LDLRAD4: variants seen among roughly 807,000 people sequenced by gnomAD.
LDLRAD4 encodes the protein low-density lipoprotein receptor class A domain-containing protein 4.
LDLRAD4 carries 5 observed loss-of-function variants against 17.0 expected under a neutral mutation model. The observed-to-expected ratio is 0.29, with a 90% CI of 0.15 to 0.62. The LOEUF (loss-of-function observed/expected upper bound fraction) is 0.62, where lower values mean the gene tolerates loss of function less well. Ranked by LOEUF, LDLRAD4 falls within the 20% of genes least tolerant of loss-of-function variation. The probability of loss-of-function intolerance (pLI) is 0.84; values close to 1 mark genes in which losing one functional copy is unlikely to be tolerated. For missense variants in LDLRAD4, 340 were observed against 424.7 expected (o/e 0.80, Z 1.75); for synonymous variants, 168 against 171.8 (o/e 0.98, Z 0.17).
At chr18:13,325,325 CT>C (rs1197435580) in intron 1 of LDLRAD4, among the ~76,000 whole-genome samples, 1 of 152,192 alleles carries the variant, frequency 6.6e-6, no homozygotes, top group Non-Finnish European at 1.5e-5. Context: ...AACAGCAGAG[CT>C]TTGATCCCTC....
At position 13,367,291 on chromosome 18, in the gene LDLRAD4, G is replaced by C. The variant is rs866838532; in HGVS notation, c.-382-20050G>C. On this transcript the variant is annotated intron_variant, in intron 1 of 5. Transcript: ENST00000359446. This position sits in a 1 kb window ranked among gnomAD's most constrained non-coding sequence, Gnocchi z 4.1. ...ACAGAGTCAGAACCGCTGTGGCAGCGTGAGGGAGTTTTGTCAGGTGGTGTG... is the reference window on the plus strand; with the variant it reads ...ACAGAGTCAGAACCGCTGTGGCAGCCTGAGGGAGTTTTGTCAGGTGGTGTG... Among the ~76,000 whole-genome samples, 1 of 152,328 alleles carries C rather than the reference G, an allele frequency of 6.6e-6. No homozygotes were observed. Among genetic ancestry groups the C allele is most frequent in the Middle Eastern group, 3.4e-3 (1 of 294 alleles).
At chr18:13,346,438 G>C (rs1019097470) in intron 1 of LDLRAD4, among the ~76,000 whole-genome samples, 37 of 152,220 alleles carry the variant, frequency 2.4e-4, no homozygotes, top group African/African-American at 8.7e-4. Flanking sequence ...TGTGGTCTGA[G>C]AGACAGTTTG....
chr18:13,516,751 A>G (rs181447075), intron 3 of LDLRAD4, among the ~76,000 whole-genome samples: 191 of 152,342 alleles, frequency 1.3e-3, no homozygotes, highest in Non-Finnish European at 1.8e-3. Context: ...TTTGGAGAAG[A>G]AGCCTTTCAC....
intron 1 of LDLRAD4, among the ~76,000 whole-genome samples, chr18:13,313,510 C>T (rs9963572): frequency 0.29 from 44,282 of 152,096 alleles, 6,511 homozygotes; most frequent in South Asian, 0.37. Context: ...CTGGTGAACC[C>T]GGTTTCCCGT....
rs1038518153 is a variant in LDLRAD4 at position 13,398,826 on chromosome 18, C to A, written c.40+11064C>A. On this transcript the variant is annotated intron_variant, in intron 2 of 5. Coordinates refer to ENST00000359446, the Ensembl canonical transcript of LDLRAD4. The surrounding 1 kb of genome is among the most constrained non-coding windows in gnomAD (Gnocchi z 4.8). ...CCCACCCTCCCCGGGGGCACTATAG[C>A]AACCGTGTGTTGTTGCCTGGGACTC... Among the ~76,000 whole-genome samples the A allele has an allele frequency of 1.3e-5, 2 of 152,188 alleles. No homozygotes were observed. The highest frequency in any genetic ancestry group is 2.9e-5 in the Non-Finnish European group (2 of 68,032).
intron 1 of LDLRAD4, among the ~76,000 whole-genome samples, chr18:13,254,853 A>G (rs1034749729): frequency 2.6e-5 from 4 of 152,184 alleles, no homozygotes; most frequent in Admixed American, 1.3e-4. Context: ...GGTCCCAGCA[A>G]CTTAGGAGCG....
At chr18:13,511,638 GA>G (rs1228555720) in intron 3 of LDLRAD4, among the ~76,000 whole-genome samples, 1 of 152,236 alleles carries the variant, frequency 6.6e-6, no homozygotes, top group African/African-American at 2.4e-5. Flanking sequence ...CTGATAGGTA[GA>G]AATTTCCCTC....
rs1316756671 is a variant in LDLRAD4 at position 13,300,321 on chromosome 18, G to T, written c.-383+22133G>T. Among the ~76,000 whole-genome samples the T allele has an allele frequency of 6.6e-6, 1 of 152,218 alleles. No homozygotes were observed. Among genetic ancestry groups the T allele is most frequent in the East Asian group, 1.9e-4 (1 of 5,194 alleles). On this transcript the variant is annotated intron_variant, in intron 1 of 5. Transcript: ENST00000359446. This position sits in a 1 kb window ranked among gnomAD's most constrained non-coding sequence, Gnocchi z 4.2. ...GCCTGTGCTCTGCCTCAGCCACAAG[G>T]CCACCTCACCAGGCAGAACAGATGG...
chr18:13,633,486 C>T (rs946651261), intron 4 of LDLRAD4, among the ~76,000 whole-genome samples: 3 of 152,202 alleles, frequency 2.0e-5, no homozygotes, highest in African/African-American at 7.2e-5. Context: ...CCTGCAGGCC[C>T]ACACCAACCC....
chr18:13,364,163 GAAT>G (rs2083891418), intron 1 of LDLRAD4, among the ~76,000 whole-genome samples: 1 of 152,172 alleles, frequency 6.6e-6, no homozygotes, highest in Admixed American at 6.5e-5. Flanking sequence ...TATATATGCA[GAAT>G]CATCTGCTCT....
intron 3 of LDLRAD4, among the ~76,000 whole-genome samples, chr18:13,468,494 T>C (rs12965489): frequency 0.28 from 43,213 of 152,010 alleles, 6,889 homozygotes; most frequent in East Asian, 0.47. Flanking sequence ...GCAATCCCAT[T>C]ACTGGGTGTA....
At chr18:13,275,233 G>A (rs1002235311), upstream of LDLRAD4, among the ~76,000 whole-genome samples, 1 of 152,152 alleles carries the variant, frequency 6.6e-6, no homozygotes, top group Non-Finnish European at 1.5e-5. Flanking sequence ...ATTCTCTTAG[G>A]GAGCTTTTTT....
chr18:13,583,915 G>T (rs1177699876), intron 3 of LDLRAD4, among the ~76,000 whole-genome samples: 1 of 152,156 alleles, frequency 6.6e-6, no homozygotes, highest in Non-Finnish European at 1.5e-5. Context: ...ACAGAGCGGG[G>T]TCACCTCGCC....
chr18:13,381,728 C>T (rs2085384284), intron 1 of LDLRAD4, among the ~76,000 whole-genome samples: 1 of 152,218 alleles, frequency 6.6e-6, no homozygotes, highest in Non-Finnish European at 1.5e-5. Flanking sequence ...GGTCCCAGCT[C>T]AAGTTGGAAA....
At chr18:13,478,881 A>G (rs1490085428) in intron 3 of LDLRAD4, among the ~76,000 whole-genome samples, 1 of 152,244 alleles carries the variant, frequency 6.6e-6, no homozygotes, top group African/African-American at 2.4e-5. Flanking sequence ...AAGACTTACC[A>G]TAAAGCTACA....
intron 2 of LDLRAD4, among the ~76,000 whole-genome samples, chr18:13,437,253 C>T (rs763957228): frequency 3.3e-5 from 5 of 152,206 alleles, no homozygotes; most frequent in Non-Finnish European, 5.9e-5. Context: ...GTGAGGAACC[C>T]GGGACTCCTC....
intron 3 of LDLRAD4, among the ~76,000 whole-genome samples, chr18:13,524,188 G>A (rs1047280341): frequency 2.6e-5 from 4 of 152,172 alleles, no homozygotes; most frequent in African/African-American, 7.2e-5. Context: ...AATCAGGACC[G>A]GGCCCTGCTG....
chr18:13,308,063 A>G (rs988981737), intron 1 of LDLRAD4, among the ~76,000 whole-genome samples: 3 of 152,198 alleles, frequency 2.0e-5, no homozygotes, highest in South Asian at 2.1e-4. Context: ...TCCTTCTAGA[A>G]TTTCTGTATG....
chr18:13,510,236 C>T (rs1299428837), intron 3 of LDLRAD4, among the ~76,000 whole-genome samples: 1 of 152,084 alleles, frequency 6.6e-6, no homozygotes, highest in Non-Finnish European at 1.5e-5. Context: ...GGGATAGCCT[C>T]TCCGTGGTTA....
Sources: allele counts gnomAD v4.1 joint callset (sites outside exome capture counted in the v4.1 genomes callset), GRCh38; gene constraint gnomAD v4.1.1; non-coding constraint Gnocchi (gnomAD v3.1); transcripts MANE v1.5; gene names NCBI Gene and HGNC (gene_info 2026-07-23, HGNC 2026-07-21).